Variants in POU6F2 observed in about 807,000 individuals in gnomAD.
The protein encoded by POU6F2 is POU domain, class 6, transcription factor 2.
A neutral mutation model predicts 71.3 loss-of-function variants in POU6F2; 31 were observed. The ratio of observed to expected loss-of-function variants is 0.43; its 90% CI spans 0.33 to 0.59. The LOEUF (loss-of-function observed/expected upper bound fraction) is 0.59. POU6F2 is among the 20% of genes least tolerant of loss of function. The pLI is 0.04. For synonymous variants in POU6F2, 347 were observed against 355.7 expected (o/e 0.98, Z 0.27); for missense variants, 783 against 856.8 (o/e 0.91, Z 1.07).
At chr7:39,045,320 A>T (rs1455457492) in intron 1 of POU6F2, among the ~76,000 whole-genome samples, 2 of 151,904 alleles carry the variant, frequency 1.3e-5, no homozygotes, top group African/African-American at 4.8e-5. Flanking sequence ...CCTATATAAA[A>T]GCCTGTGGCT....
chr7:38,992,553 C>T (rs1788631618), intron 1 of POU6F2, among the ~76,000 whole-genome samples: 1 of 152,166 alleles, frequency 6.6e-6, no homozygotes, highest in African/African-American at 2.4e-5. Flanking sequence ...AATGAGGACA[C>T]AGAGTTTGTG....
chr7:39,462,116 G>A (rs1377816156), intron 9 of POU6F2, among the ~76,000 whole-genome samples: 1 of 152,110 alleles, frequency 6.6e-6, no homozygotes, highest in Non-Finnish European at 1.5e-5. Flanking sequence ...ACAAGTGCTG[G>A]CTAATGTTTA....
chr7:39,328,431 C>T (rs1785565359), intron 4 of POU6F2, among the ~76,000 whole-genome samples: 1 of 152,172 alleles, frequency 6.6e-6, no homozygotes, highest in Admixed American at 6.5e-5. Context: ...CTATTGTTGA[C>T]TTTTCAAGAG....
chr7:39,165,510 C>T (rs1188413816), intron 2 of POU6F2, among the ~76,000 whole-genome samples: 4 of 152,088 alleles, frequency 2.6e-5, no homozygotes, highest in African/African-American at 7.2e-5. Flanking sequence ...AAACAATTAA[C>T]AGATCAAATT....
chr7:39,093,415 T>A (rs1389313335), intron 2 of POU6F2, among the ~76,000 whole-genome samples: 1 of 152,046 alleles, frequency 6.6e-6, no homozygotes, highest in Non-Finnish European at 1.5e-5. Flanking sequence ...ATAAAACCTG[T>A]TAGTTTAGCT....
intron 4 of POU6F2, among the ~76,000 whole-genome samples, chr7:39,209,459 T>C (rs987285005): frequency 1.3e-5 from 2 of 152,200 alleles, no homozygotes; most frequent in Non-Finnish European, 2.9e-5. Context: ...TCTTTGAAAT[T>C]TGACTGACGT....
chr7:39,236,417 AT>A (rs1426266258), intron 4 of POU6F2, among the ~76,000 whole-genome samples: 1 of 151,784 alleles, frequency 6.6e-6, no homozygotes, highest in Admixed American at 6.6e-5. Context: ...TTGTGTTTGC[AT>A]TTTTTTTCTC....
At chr7:39,343,650 A>G (rs1181285736) in intron 5 of POU6F2, among the ~76,000 whole-genome samples, 1 of 152,122 alleles carries the variant, frequency 6.6e-6, no homozygotes, top group Non-Finnish European at 1.5e-5. Context: ...GAGCCCAGTC[A>G]TGGTGTAGGT....
Position 39,262,900 on chromosome 7 carries a change from A to G in POU6F2, c.598+55280A>G, listed in dbSNP as rs1784166645. Among the ~76,000 whole-genome samples, 3 of 152,208 alleles carry G rather than the reference A, an allele frequency of 2.0e-5. No homozygotes were observed. In the South Asian group the frequency reaches 6.2e-4, roughly 31 times the overall value. On this transcript the variant is annotated intron_variant, in intron 4 of 9. Transcript: ENST00000518318. ...CTTTCCCTTCTTTTCTGACAACAAG[A>G]GTGCTATTGCTCAGAAAATCACCAT...
chr7:39,422,131 GA>G (rs1787863611), intron 6 of POU6F2, among the ~76,000 whole-genome samples: 1 of 152,026 alleles, frequency 6.6e-6, no homozygotes, highest in East Asian at 1.9e-4. Context: ...AGTCACTGGG[GA>G]AAAAAGGAAA....
intron 4 of POU6F2, among the ~76,000 whole-genome samples, chr7:39,219,056 A>T (rs1427814295): frequency 6.6e-6 from 1 of 152,164 alleles, no homozygotes; most frequent in Non-Finnish European, 1.5e-5. Flanking sequence ...AGCGTTTTCA[A>T]CTTGTCTAAT....
intron 2 of POU6F2, among the ~76,000 whole-genome samples, chr7:39,140,896 C>T (rs542910278): frequency 3.9e-5 from 6 of 152,096 alleles, no homozygotes; most frequent in African/African-American, 1.2e-4. Flanking sequence ...GAGGTGGGCT[C>T]GAGGGTCAGG....
chr7:39,004,832 T>C (rs1789012994), intron 1 of POU6F2, among the ~76,000 whole-genome samples: 1 of 152,140 alleles, frequency 6.6e-6, no homozygotes, highest in Non-Finnish European at 1.5e-5. Flanking sequence ...CTGGCATTTG[T>C]CTTCTCGTTA....
chr7:39,002,823 C>T (rs982471029), intron 1 of POU6F2, among the ~76,000 whole-genome samples: 1 of 152,208 alleles, frequency 6.6e-6, no homozygotes, highest in Non-Finnish European at 1.5e-5. Flanking sequence ...CCGGCATTGC[C>T]CTTTCCTCTC....
intron 1 of POU6F2, among the ~76,000 whole-genome samples, chr7:39,002,317 AG>A (rs1415168622): frequency 1.0e-4 from 15 of 150,060 alleles, no homozygotes; most frequent in African/African-American, 3.2e-4. Flanking sequence ...TTTTGCCTTG[AG>A]GTTAGTGATT....
chr7:39,108,413 G>A (rs778437554), intron 2 of POU6F2, among the ~76,000 whole-genome samples: 6 of 151,470 alleles, frequency 4.0e-5, no homozygotes, highest in African/African-American at 7.3e-5. Flanking sequence ...TCTTTCCTTC[G>A]ACCTCAGCTG....
At chr7:39,002,258 T>G (rs1788936523) in intron 1 of POU6F2, among the ~76,000 whole-genome samples, 1 of 152,248 alleles carries the variant, frequency 6.6e-6, no homozygotes, top group Non-Finnish European at 1.5e-5. Context: ...CTGCTCTTCC[T>G]TAGGCAAAAT....
chr7:39,103,644 C>A lies in POU6F2; in HGVS notation c.277+17613C>A, dbSNP rs113536805. Among the ~76,000 whole-genome samples the A allele has an allele frequency of 3.8e-3, 575 of 152,276 alleles. 4 individuals are homozygous for A. Among genetic ancestry groups the A allele is most frequent in the African/African-American group, 0.013 (552 of 41,566 alleles). ...AGATCTTTAGCTTTTTCCTTGAATT[C>A]TGTGATCCATCCTAAACCCTTACCA... On this transcript the variant is annotated intron_variant, in intron 2 of 9. Transcript: ENST00000518318.
At chr7:39,143,167 G>A (rs1268651564) in intron 2 of POU6F2, among the ~76,000 whole-genome samples, 1 of 152,146 alleles carries the variant, frequency 6.6e-6, no homozygotes, top group Admixed American at 6.5e-5. Flanking sequence ...AAGTTCTCTC[G>A]CCTTTGGTGG....
Sources: allele counts gnomAD v4.1 joint callset (sites outside exome capture counted in the v4.1 genomes callset), GRCh38; gene constraint gnomAD v4.1.1; transcripts MANE v1.5; gene names NCBI Gene and HGNC (gene_info 2026-07-23, HGNC 2026-07-21).